The following PCDH7 variants were observed in gnomAD, a reference collection of about 807,000 sequenced individuals.
PCDH7 encodes protocadherin 7, also known as protocadherin-7.
In PCDH7, 17 loss-of-function variants were observed where a neutral mutation model predicts 58.9. The observed-to-expected ratio is 0.29, with a 90% CI of 0.20 to 0.43. The LOEUF (loss-of-function observed/expected upper bound fraction) is 0.43. Ranked by LOEUF, PCDH7 falls within the 20% of genes least tolerant of loss-of-function variation. The pLI is 1.00. For synonymous variants in PCDH7, 664 were observed against 616.4 expected (o/e 1.08, Z -1.14); for missense variants, 1,274 against 1,441.0 (o/e 0.88, Z 1.88).
chr4:30,762,632 G>T (rs1720175983), intron 1 of PCDH7, among the ~76,000 whole-genome samples: 1 of 152,118 alleles, frequency 6.6e-6, no homozygotes, highest in Non-Finnish European at 1.5e-5. Flanking sequence ...ACCCCTTGAG[G>T]ATTTTCAAAG....
intron 2 of PCDH7, among the ~76,000 whole-genome samples, chr4:30,934,984 C>T (rs1745154101): frequency 6.6e-6 from 1 of 151,956 alleles, no homozygotes; most frequent in Non-Finnish European, 1.5e-5. Context: ...GGTTTATGTG[C>T]AGTTGGACAT....
intron 1 of PCDH7, among the ~76,000 whole-genome samples, chr4:30,741,282 T>C (rs1717039742): frequency 6.6e-6 from 1 of 151,670 alleles, no homozygotes; most frequent in African/African-American, 2.4e-5. Context: ...AGTGTGTCAC[T>C]CGGGCTCAGG....
chr4:31,116,321 G>T (rs1716979562), intron 3 of PCDH7, among the ~76,000 whole-genome samples: 1 of 152,286 alleles, frequency 6.6e-6, no homozygotes, highest in Admixed American at 6.5e-5. Context: ...GTCCATAAAT[G>T]CTGTTTGCAT....
At chr4:31,100,113 T>C (rs1294073598) in intron 3 of PCDH7, among the ~76,000 whole-genome samples, 1 of 152,156 alleles carries the variant, frequency 6.6e-6, no homozygotes, top group East Asian at 1.9e-4. Flanking sequence ...ATGCAAAATG[T>C]AGCTCTAACC....
chr4:31,042,823 A>G (rs1755991887), intron 3 of PCDH7, among the ~76,000 whole-genome samples: 1 of 152,146 alleles, frequency 6.6e-6, no homozygotes, highest in South Asian at 2.1e-4. Context: ...TGTTCCTTTA[A>G]CAGAATACTT....
chr4:31,061,054 C>T (rs1014328725), intron 3 of PCDH7, among the ~76,000 whole-genome samples: 9 of 151,678 alleles, frequency 5.9e-5, no homozygotes, highest in African/African-American at 2.2e-4. Flanking sequence ...TTTCAAAATA[C>T]AAACTTCTCT....
chr4:30,968,400 A>G (rs1560541666), intron 3 of PCDH7, among the ~76,000 whole-genome samples: 1 of 54,626 alleles, frequency 1.8e-5, no homozygotes, highest in African/African-American at 1.1e-4. Context: ...ATATATATAT[A>G]TATATATATA....
At chr4:30,879,589 A>T (rs1237202893) in intron 1 of PCDH7, among the ~76,000 whole-genome samples, 3 of 152,048 alleles carry the variant, frequency 2.0e-5, no homozygotes, top group African/African-American at 7.2e-5. Flanking sequence ...TGTTTCTTGC[A>T]TCTAATTCTC....
chr4:30,734,062 G>A (rs1178452295), downstream of PCDH7, among the ~76,000 whole-genome samples: 1 of 124,222 alleles, frequency 8.1e-6, no homozygotes, highest in Non-Finnish European at 2.0e-5. Context: ...TATTTTTTAG[G>A]TTATCTTAAA....
chr4:30,894,463 G>GAA lies in PCDH7; in HGVS notation c.71-25663_71-25662dup, dbSNP rs750545292. 2.9e-3 allele frequency among the ~76,000 whole-genome samples: 38 copies of GAA among 13,036 alleles called. 7 individuals are homozygous for GAA. Among genetic ancestry groups the GAA allele is most frequent in the South Asian group, 0.01 (1 of 98 alleles). The allele number at this position is 13,036 out of a possible 152,430, so 8.6% of individuals were successfully genotyped here. A position where few individuals can be genotyped will look rare whatever the true frequency, so the allele number is the denominator to read the frequency against. On this transcript the variant is annotated intron_variant, in intron 1 of 3. Transcript: ENST00000509759. The stretch of plus-strand genomic sequence containing the variant: ...TGGTCTGGAGACCAGTTTCATTCAG[G>GAA]AAAAAAAAAAAAAAAAAAAAAAAAA...
At chr4:30,752,226 G>A (rs555908434) in intron 1 of PCDH7, among the ~76,000 whole-genome samples, 5 of 152,042 alleles carry the variant, frequency 3.3e-5, no homozygotes, top group Non-Finnish European at 7.4e-5. Flanking sequence ...TTCCGCCTGC[G>A]GGTTCAAGCG....
exon 2 of PCDH7, chr4:30,731,167 T>A: frequency 1.0e-5 from 10 of 998,512 alleles, no homozygotes; most frequent in Non-Finnish European, 1.2e-5. Flanking sequence ...TATGTCTTTG[T>A]CTTTAATACA....
chr4:30,781,928 T>G (rs1014018717), intron 1 of PCDH7, among the ~76,000 whole-genome samples: 1 of 152,288 alleles, frequency 6.6e-6, no homozygotes, highest in Admixed American at 6.5e-5. Flanking sequence ...GCTAATGGCC[T>G]TTGTGTGTGT....
intron 1 of PCDH7, among the ~76,000 whole-genome samples, chr4:30,846,560 A>G (rs1731991622): frequency 6.6e-6 from 1 of 151,714 alleles, no homozygotes; most frequent in African/African-American, 2.4e-5. Flanking sequence ...TAAGACAATT[A>G]TTACTTGTGG....
At chr4:30,861,077 G>T (rs1224509344) in intron 1 of PCDH7, among the ~76,000 whole-genome samples, 1 of 152,174 alleles carries the variant, frequency 6.6e-6, no homozygotes, top group African/African-American at 2.4e-5. Flanking sequence ...AAAGATGATT[G>T]CAGAAGGGAG....
intron 1 of PCDH7, among the ~76,000 whole-genome samples, chr4:30,871,125 A>G (rs1025379678): frequency 2.0e-5 from 3 of 152,070 alleles, no homozygotes; most frequent in African/African-American, 7.2e-5. Flanking sequence ...ATAATATGAC[A>G]CCTACAGGGA....
At chr4:31,011,010 G>A (rs1753142615) in intron 3 of PCDH7, among the ~76,000 whole-genome samples, 1 of 151,830 alleles carries the variant, frequency 6.6e-6, no homozygotes, top group South Asian at 2.1e-4. Context: ...TATCACAATA[G>A]CAGACTTCTT....
At chr4:30,986,928 C>T (rs556630466) in intron 3 of PCDH7, among the ~76,000 whole-genome samples, 12 of 151,950 alleles carry the variant, frequency 7.9e-5, no homozygotes, top group South Asian at 4.2e-4. Flanking sequence ...TTGCAGTGAG[C>T]CGAGATCACG....
chr4:30,934,422 G>A (rs1745074031), intron 2 of PCDH7, among the ~76,000 whole-genome samples: 1 of 152,034 alleles, frequency 6.6e-6, no homozygotes, highest in Non-Finnish European at 1.5e-5. Context: ...TTTGAAAATA[G>A]CAGAGAAAAT....
Sources: allele counts gnomAD v4.1 joint callset (sites outside exome capture counted in the v4.1 genomes callset), GRCh38; gene constraint gnomAD v4.1.1; transcripts MANE v1.5; gene names NCBI Gene and HGNC (gene_info 2026-07-23, HGNC 2026-07-21).